The following DLG2 variants were observed in gnomAD, a reference collection of about 807,000 sequenced individuals.
DLG2 encodes disks large homolog 2.
A neutral mutation model predicts 132.5 loss-of-function variants in DLG2; 45 were observed. The observed-to-expected ratio is 0.34, with a 90% CI of 0.27 to 0.44. DLG2 has a LOEUF of 0.44. Among genes scored for constraint, DLG2 ranks in the 20% least tolerant of loss-of-function variants. The pLI is 1.00. For synonymous variants in DLG2, 424 were observed against 419.6 expected, an observed-to-expected ratio of 1.01 and a Z score of -0.13; for missense variants, 1,045 against 1,196.9, an observed-to-expected ratio of 0.87 and a Z score of 1.87.
At chr11:84,824,352 T>A (rs2078068978) in intron 6 of DLG2, among the ~76,000 whole-genome samples, 3 of 152,016 alleles carry the variant, frequency 2.0e-5, no homozygotes, top group South Asian at 2.1e-4. Context: ...ATGTTAAAAT[T>A]AGAAACACAT....
chr11:85,304,340 A>G (rs1308754543), intron 3 of DLG2, among the ~76,000 whole-genome samples: 2 of 152,202 alleles, frequency 1.3e-5, no homozygotes, highest in Non-Finnish European at 2.9e-5. Flanking sequence ...GATTGGGTAG[A>G]AACTTCAGAA....
At chr11:84,539,469 C>G (rs1226350504) in intron 6 of DLG2, among the ~76,000 whole-genome samples, 1 of 152,124 alleles carries the variant, frequency 6.6e-6, no homozygotes, top group East Asian at 1.9e-4. Flanking sequence ...GAGGATTTCT[C>G]TATTGCCTAC....
At chr11:84,036,413 ATG>A (rs1006589662) in intron 11 of DLG2, among the ~76,000 whole-genome samples, 3 of 34,540 alleles carry the variant, frequency 8.7e-5, no homozygotes, top group Non-Finnish European at 2.9e-4. Flanking sequence ...AAGCTCCAAA[ATG>A]TTTTTTTTTA....
chr11:83,608,354 AT>A (rs35301755), intron 19 of DLG2, among the ~76,000 whole-genome samples: 262 of 144,828 alleles, frequency 1.8e-3, no homozygotes, highest in Middle Eastern at 3.5e-3. Flanking sequence ...TTAGATTTCA[AT>A]TTTTTTTTTT....
At chr11:84,753,737 G>C (rs1256963789) in intron 6 of DLG2, among the ~76,000 whole-genome samples, 1 of 152,220 alleles carries the variant, frequency 6.6e-6, no homozygotes, top group Non-Finnish European at 1.5e-5. Context: ...GGGCTTGATG[G>C]AGTGAAGGAG....
At chr11:84,751,925 T>C (rs1194605132) in intron 6 of DLG2, among the ~76,000 whole-genome samples, 1 of 152,164 alleles carries the variant, frequency 6.6e-6, no homozygotes, top group Non-Finnish European at 1.5e-5. Flanking sequence ...ATGCAGTAGC[T>C]CTCATTTACT....
chr11:83,765,531 A>G (rs1193530786), intron 18 of DLG2, among the ~76,000 whole-genome samples: 1 of 152,260 alleles, frequency 6.6e-6, no homozygotes, highest in Non-Finnish European at 1.5e-5. Flanking sequence ...AGAAATCACA[A>G]AAGTGTCCAT....
intron 3 of DLG2, among the ~76,000 whole-genome samples, chr11:85,538,735 C>T (rs888732381): frequency 6.6e-6 from 1 of 151,804 alleles, no homozygotes; most frequent in African/African-American, 2.4e-5. Flanking sequence ...CAAACTAACA[C>T]AGGGACAGAA....
intron 4 of DLG2, among the ~76,000 whole-genome samples, chr11:85,254,696 A>C (rs1295566471): frequency 1.3e-5 from 2 of 152,200 alleles, no homozygotes; most frequent in Non-Finnish European, 1.5e-5. Context: ...AAAATCAATT[A>C]GCATTTGTAT....
At chr11:83,587,789 G>A (rs576051695) in intron 19 of DLG2, among the ~76,000 whole-genome samples, 9 of 152,226 alleles carry the variant, frequency 5.9e-5, no homozygotes, top group South Asian at 4.2e-4. Context: ...TGCGCGCACC[G>A]TGCGCGAGCC....
rs987723689 is a variant in DLG2, at chr11:85,352,278, C to A, written c.41-66913G>T. Among the ~76,000 whole-genome samples the A allele has an allele frequency of 2.6e-5, 4 of 151,806 alleles. No individual in the cohort carries two copies. In the East Asian group the frequency reaches 5.8e-4, roughly 22 times the overall value. ...ATATCCCCTTTATCATTTTTTATTG[C>A]GTCTATTTGATTCTTCTCTCTTTTC... is the stretch of plus-strand genomic sequence containing the variant. On this transcript the variant is annotated intron_variant, in intron 3 of 27. Coordinates refer to ENST00000376104, the MANE Select transcript of DLG2 (RefSeq NM_001142699.3).
chr11:85,548,709 G>C (rs1402730018), intron 3 of DLG2, among the ~76,000 whole-genome samples: 1 of 152,138 alleles, frequency 6.6e-6, no homozygotes, highest in East Asian at 1.9e-4. Context: ...AATCTGGAGA[G>C]GCAGTCTGGC....
At chr11:84,769,327 G>A (rs1461444131) in intron 6 of DLG2, among the ~76,000 whole-genome samples, 2 of 151,954 alleles carry the variant, frequency 1.3e-5, no homozygotes, top group African/African-American at 4.8e-5. Flanking sequence ...ACTCACTTAA[G>A]GAATTTTAAA....
At chr11:84,547,233 A>G (rs1171290723) in intron 6 of DLG2, among the ~76,000 whole-genome samples, 1 of 152,174 alleles carries the variant, frequency 6.6e-6, no homozygotes, top group Non-Finnish European at 1.5e-5. Flanking sequence ...TTTGATTATA[A>G]AAAATTGGAA....
intron 6 of DLG2, among the ~76,000 whole-genome samples, chr11:84,602,971 G>A (rs1463048246): frequency 1.3e-5 from 2 of 151,932 alleles, no homozygotes; most frequent in Admixed American, 6.6e-5. Context: ...TGATTGCATT[G>A]GTGAAATTAG....
chr11:83,711,797 G>A lies in DLG2; in HGVS notation c.1825+74893C>T, dbSNP rs150828287. ...GCATGCTCCATGGGCCAAAGCAGGA[G>A]TACTAGGTCACCTGAGAGCTTGCTA... On this transcript the variant is annotated intron_variant, in intron 18 of 27. Transcript: ENST00000376104. 2.4e-3 allele frequency among the ~76,000 whole-genome samples: 365 copies of A among 152,112 alleles called. 2 individuals are homozygous for A. The highest frequency in any genetic ancestry group is 8.7e-3 in the African/African-American group (359 of 41,446).
chr11:84,839,436 T>G (rs2080290539), intron 6 of DLG2, among the ~76,000 whole-genome samples: 1 of 152,238 alleles, frequency 6.6e-6, no homozygotes, highest in East Asian at 1.9e-4. Context: ...ATTTATAGAT[T>G]CAATGCCATC....
chr11:83,614,711 C>A (rs1360566067), intron 19 of DLG2, among the ~76,000 whole-genome samples: 1 of 152,120 alleles, frequency 6.6e-6, no homozygotes, highest in African/African-American at 2.4e-5. Context: ...CAGAGCAAGA[C>A]CCTGTCTCAA....
intron 6 of DLG2, among the ~76,000 whole-genome samples, chr11:85,087,504 G>A (rs1242526717): frequency 6.6e-6 from 1 of 152,200 alleles, no homozygotes; most frequent in African/African-American, 2.4e-5. Flanking sequence ...CTAAACCAAA[G>A]GGAAAGACTG....
Sources: gnomAD v4.1 joint callset for allele counts (sites outside exome capture counted in the v4.1 genomes callset) on GRCh38, gnomAD v4.1.1 for gene constraint, MANE v1.5 for transcripts, NCBI Gene and HGNC (gene_info 2026-07-23, HGNC 2026-07-21) for gene names.